Variants in ANKRD46 observed in about 807,000 individuals in gnomAD.
ANKRD46 encodes the protein ankyrin repeat domain-containing protein 46.
ANKRD46 carries 13 observed loss-of-function variants against 19.8 expected under a neutral mutation model. That is an observed-to-expected ratio of 0.66 (90% CI 0.43 to 1.04). ANKRD46 has a LOEUF of 1.04. Among genes scored for constraint, ANKRD46 ranks in the 50% least tolerant of loss-of-function variants. The pLI is 0.00. For missense variants in ANKRD46, 185 were observed against 274.8 expected, an observed-to-expected ratio of 0.67 and a Z score of 2.31; for synonymous variants, 91 against 106.9, an observed-to-expected ratio of 0.85 and a Z score of 0.92.
rs374385183 is a variant in ANKRD46 at position 100,536,220 on chromosome 8, T to C, written c.-130-2909A>G. Among the ~76,000 whole-genome samples the C allele has an allele frequency of 1.7e-4, 26 of 152,234 alleles. No individual in the cohort carries two copies. The highest frequency in any genetic ancestry group is 6.0e-4 in the African/African-American group (25 of 41,550). ...TCACTGAGGACTGAGTCTGTGCCCC[T>C]GTGAATGGATGTGAAACCTAAGTAA... is the stretch of plus-strand genomic sequence containing the variant. On this transcript the variant is annotated intron_variant, in intron 1 of 4. Coordinates refer to ENST00000335659, the MANE Select transcript of ANKRD46 (RefSeq NM_001270377.2). This position sits in a 1 kb window ranked among gnomAD's most constrained non-coding sequence, Gnocchi z 4.9.
At position 100,521,850 on chromosome 8, in the gene ANKRD46, G is replaced by C. The variant is rs1180258064; in HGVS notation, c.*705C>G. The C allele has an allele frequency of 4.1e-6, 4 of 984,858 alleles. No individual in the cohort carries two copies. In the African/African-American group the frequency reaches 7.0e-5, roughly 17 times the overall value. 61.0% of individuals were successfully genotyped at this position (984,858 alleles called of 1,614,324 possible). A position where few individuals can be genotyped will look rare whatever the true frequency, so the allele number is the denominator to read the frequency against. The stretch of plus-strand genomic sequence containing the variant: ...AGGATACTCGGGAAAATTGGAAAGT[G>C]AACAAAATGAACTCATTTATTTTTC... On this transcript the variant is annotated 3_prime_UTR_variant, in exon 5 of 5. Transcript: ENST00000335659.
chr8:100,519,368 C>T (rs933074548), downstream of ANKRD46, among the ~76,000 whole-genome samples: 8 of 152,184 alleles, frequency 5.3e-5, no homozygotes, highest in African/African-American at 1.7e-4. Flanking sequence ...CATTGCAGAA[C>T]CAGCTGGAGG....
chr8:100,534,574 G>C lies in ANKRD46; in HGVS notation c.-130-1263C>G, dbSNP rs1342267199. On this transcript the variant is annotated intron_variant, in intron 1 of 4. Transcript: ENST00000335659. This position sits in a 1 kb window ranked among gnomAD's most constrained non-coding sequence, Gnocchi z 4.2. ...TTAACGACTAGAGCCTGTCTCTAATGTATGATTTGGCTTTAATTTTCAATG... is the reference window on the plus strand; with the variant it reads ...TTAACGACTAGAGCCTGTCTCTAATCTATGATTTGGCTTTAATTTTCAATG... Among the ~76,000 whole-genome samples, 1 of 152,152 alleles carries C rather than the reference G, an allele frequency of 6.6e-6. No homozygotes were observed. Among genetic ancestry groups the C allele is most frequent in the East Asian group, 1.9e-4 (1 of 5,182 alleles).
Position 100,522,293 on chromosome 8 carries a change from T to A in ANKRD46, c.*262A>T, listed in dbSNP as rs1811739527. ...TCCATTCTCTAGTCACTTCCGTGTT[T>A]TTATCAAACAAGGCTACGTGTAGGC... On this transcript the variant is annotated 3_prime_UTR_variant, in exon 5 of 5. Coordinates refer to ENST00000335659, the MANE Select transcript of ANKRD46 (RefSeq NM_001270377.2). 1 of 1,265,700 alleles carries A rather than the reference T, an allele frequency of 7.9e-7. No individual in the cohort carries two copies. Among genetic ancestry groups the A allele is most frequent in the South Asian group, 2.1e-5 (1 of 47,374 alleles). The allele number at this position is 1,265,700 out of a possible 1,614,324, so 78.4% of individuals were successfully genotyped here.
At chr8:100,549,117 GTTT>G (rs57850231) in intron 1 of ANKRD46, among the ~76,000 whole-genome samples, 1 of 143,644 alleles carries the variant, frequency 7.0e-6, no homozygotes. Flanking sequence ...CATTAATGCT[GTTT>G]TTTTTTTTTT....
At chr8:100,551,040 CTTCCTG>C (rs1812377360) in intron 1 of ANKRD46, 1 of 512,820 alleles carries the variant, frequency 1.9e-6, no homozygotes, top group African/African-American at 1.9e-5. Flanking sequence ...TGCTAGTGAG[CTTCCTG>C]TTCAGCTCGG....
intron 1 of ANKRD46, among the ~76,000 whole-genome samples, chr8:100,533,752 CTTATATT>C (rs1812009293): frequency 6.6e-6 from 1 of 152,188 alleles, no homozygotes; most frequent in African/African-American, 2.4e-5. Context: ...AAAGCCAATA[CTTATATT>C]TAAACCAAAC....
intron 3 of ANKRD46, among the ~76,000 whole-genome samples, chr8:100,528,994 C>T (rs569518542): frequency 1.6e-4 from 25 of 152,324 alleles, no homozygotes; most frequent in African/African-American, 5.5e-4. Flanking sequence ...GATTATGAAG[C>T]TCACATGGTG....
downstream of ANKRD46, among the ~76,000 whole-genome samples, chr8:100,516,469 A>G (rs1257291903): frequency 6.6e-6 from 1 of 152,230 alleles, no homozygotes; most frequent in Non-Finnish European, 1.5e-5. Context: ...TGGTAGTCCT[A>G]TCAATTCACA....
At position 100,536,745 on chromosome 8, in the gene ANKRD46, G is replaced by A. The variant is rs1812071460; in HGVS notation, c.-130-3434C>T. On this transcript the variant is annotated intron_variant, in intron 1 of 4. Coordinates refer to ENST00000335659, the MANE Select transcript of ANKRD46 (RefSeq NM_001270377.2). This position sits in a 1 kb window ranked among gnomAD's most constrained non-coding sequence, Gnocchi z 4.9. ...ATGCTGGTTGCTGACCAGGGCCCTG[G>A]TTCCCAAGGAACAGTGTCCATGAGG... 6.6e-6 allele frequency among the ~76,000 whole-genome samples: 1 copy of A among 152,196 alleles called. No homozygotes were observed. Among genetic ancestry groups the A allele is most frequent in the South Asian group, 2.1e-4 (1 of 4,830 alleles).
Position 100,557,022 on chromosome 8 carries a change from T to C in ANKRD46, c.-131+2689A>G, listed in dbSNP as rs1812514329. On this transcript the variant is annotated intron_variant, in intron 1 of 4. Coordinates refer to ENST00000335659, the MANE Select transcript of ANKRD46 (RefSeq NM_001270377.2). The surrounding 1 kb of genome is among the most constrained non-coding windows in gnomAD (Gnocchi z 5.9). Reference sequence around the variant, plus strand: ...TTCCTGGGCCACAGTGGAATAACTGTCTTGGGGCACACATATAACGATAGC... The same window carrying C: ...TTCCTGGGCCACAGTGGAATAACTGCCTTGGGGCACACATATAACGATAGC... 6.6e-6 allele frequency among the ~76,000 whole-genome samples: 1 copy of C among 151,962 alleles called. No homozygotes were observed. The highest frequency in any genetic ancestry group is 1.9e-4 in the East Asian group (1 of 5,194).
chr8:100,540,146 A>G (rs1393633730), intron 1 of ANKRD46, among the ~76,000 whole-genome samples: 6 of 152,268 alleles, frequency 3.9e-5, no homozygotes, highest in South Asian at 2.1e-4. Context: ...TAATCCTCAT[A>G]GAAACCCTAC....
chr8:100,529,427 A>T lies in ANKRD46; in HGVS notation c.311+96T>A. On this transcript the variant is annotated intron_variant, in intron 3 of 4. Transcript: ENST00000335659. This position sits in a 1 kb window ranked among gnomAD's most constrained non-coding sequence, Gnocchi z 5.8. ...CTTTCTGAACTTATTTCAACTGATT[A>T]ATGAGGAAACAAAACCAACAGACCC... is the stretch of plus-strand genomic sequence containing the variant. 1 of 1,268,816 alleles carries T rather than the reference A, an allele frequency of 7.9e-7. No individual in the cohort carries two copies. The highest frequency in any genetic ancestry group is 1.1e-6 in the Non-Finnish European group (1 of 922,546). 78.6% of individuals were successfully genotyped at this position (1,268,816 alleles called of 1,614,324 possible). A position where few individuals can be genotyped will look rare whatever the true frequency, so the allele number is the denominator to read the frequency against.
Position 100,522,102 on chromosome 8 carries a change from C to T in ANKRD46, c.*453G>A, listed in dbSNP as rs1811735255. The T allele has an allele frequency of 1.0e-5, 10 of 989,432 alleles. No homozygotes were observed. Among genetic ancestry groups the T allele is most frequent in the Non-Finnish European group, 1.2e-5 (10 of 832,196 alleles). 61.3% of individuals were successfully genotyped at this position (989,432 alleles called of 1,614,324 possible). ...AGTACTTCAAGTTTTATCTCTTATC[C>T]CTAGAGAAAGTAAATAAAAAGTGGC... On this transcript the variant is annotated 3_prime_UTR_variant, in exon 5 of 5. Transcript: ENST00000335659.
Position 100,527,027 on chromosome 8 carries a change from A to T in ANKRD46, c.470+818T>A, listed in dbSNP as rs1262992979. Among the ~76,000 whole-genome samples the T allele has an allele frequency of 6.6e-6, 1 of 152,176 alleles. No individual in the cohort carries two copies. Among genetic ancestry groups the T allele is most frequent in the Non-Finnish European group, 1.5e-5 (1 of 68,032 alleles). ...CTGAAACTGCATGGTGGTCAACCAG[A>T]TAATATGCTACTAGAACTAAGTCTG... On this transcript the variant is annotated intron_variant, in intron 4 of 4. Transcript: ENST00000335659. The surrounding 1 kb of genome is among the most constrained non-coding windows in gnomAD (Gnocchi z 4.0).
At position 100,510,501 on chromosome 8, in the gene ANKRD46, C is replaced by T; in HGVS notation, c.*76G>A. ...AAGTCGTGACGGAAACAGCCCCACC[C>T]AACAGGGACGCTGACGTCTGTATCC... On this transcript the variant is annotated 3_prime_UTR_variant, in exon 6 of 6. Coordinates refer to the ANKRD46 transcript ENST00000520552. The surrounding 1 kb of genome is among the most constrained non-coding windows in gnomAD (Gnocchi z 4.9). 3 of 1,406,930 alleles carry T rather than the reference C, an allele frequency of 2.1e-6. No homozygotes were observed. Among genetic ancestry groups the T allele is most frequent in the Non-Finnish European group, 2.9e-6 (3 of 1,041,364 alleles). 87.2% of individuals were successfully genotyped at this position (1,406,930 alleles called of 1,614,324 possible).
intron 1 of ANKRD46, among the ~76,000 whole-genome samples, chr8:100,547,762 G>C (rs981859137): frequency 6.6e-6 from 1 of 152,176 alleles, no homozygotes; most frequent in African/African-American, 2.4e-5. Context: ...TCTCCTGACA[G>C]TGAATCAGAC....
At chr8:100,555,927 G>T (rs1812490852) in intron 1 of ANKRD46, among the ~76,000 whole-genome samples, 1 of 152,138 alleles carries the variant, frequency 6.6e-6, no homozygotes, top group African/African-American at 2.4e-5. Flanking sequence ...AGTCAGGATG[G>T]TGTAAATCTG....
rs1481015430 is a variant in ANKRD46, at chr8:100,528,009, A to T, written c.312-6T>A. 13 of 1,432,454 alleles carry T rather than the reference A, an allele frequency of 9.1e-6. No homozygotes were observed. In the African/African-American group the frequency reaches 1.4e-4, roughly 16 times the overall value. The allele number at this position is 1,432,454 out of a possible 1,614,324, so 88.7% of individuals were successfully genotyped here. A position where few individuals can be genotyped will look rare whatever the true frequency, so the allele number is the denominator to read the frequency against. ...GGGTAGCACCTTGATGATTGCTAAAAAAAAAAAAAAAAAAAAAAGTTTATA... is the reference window on the plus strand; with the variant it reads ...GGGTAGCACCTTGATGATTGCTAAATAAAAAAAAAAAAAAAAAAGTTTATA... On this transcript the variant is annotated splice_region_variant and splice_polypyrimidine_tract_variant and intron_variant, in intron 3 of 4. Coordinates refer to ENST00000335659, the MANE Select transcript of ANKRD46 (RefSeq NM_001270377.2).
Sources: allele counts gnomAD v4.1 joint callset (sites outside exome capture counted in the v4.1 genomes callset), GRCh38; gene constraint gnomAD v4.1.1; non-coding constraint Gnocchi (gnomAD v3.1); transcripts MANE v1.5; gene names NCBI Gene and HGNC (gene_info 2026-07-23, HGNC 2026-07-21).